MSRA: variants seen among roughly 807,000 people sequenced by gnomAD.
MSRA encodes mitochondrial peptide methionine sulfoxide reductase.
In MSRA, 54 loss-of-function variants were observed where a neutral mutation model predicts 31.3. The observed-to-expected ratio is 1.73, with a 90% CI of 1.39 to 2.17. MSRA has a LOEUF of 2.17. Among genes scored for constraint, MSRA ranks in the 30% most tolerant of loss-of-function variants. The pLI is 0.00. For missense variants in MSRA, 507 were observed against 300.9 expected, an observed-to-expected ratio of 1.69 and a Z score of -5.07; for synonymous variants, 169 against 116.5, an observed-to-expected ratio of 1.45 and a Z score of -2.90.
chr8:10,330,103 CTCTT>C (rs1437956990), intron 5 of MSRA, among the ~76,000 whole-genome samples: 2 of 148,958 alleles, frequency 1.3e-5, no homozygotes, highest in African/African-American at 4.9e-5. Flanking sequence ...GTCACTTACT[CTCTT>C]TGAGCCCTGA....
intron 1 of MSRA, among the ~76,000 whole-genome samples, chr8:10,099,429 A>G (rs1799392096): frequency 6.6e-6 from 1 of 152,266 alleles, no homozygotes; most frequent in Non-Finnish European, 1.5e-5. Flanking sequence ...TGGGTAGAGG[A>G]GAGGATAGGA....
At chr8:10,214,012 G>C (rs1469319255) in intron 2 of MSRA, among the ~76,000 whole-genome samples, 3 of 152,146 alleles carry the variant, frequency 2.0e-5, no homozygotes, top group African/African-American at 4.8e-5. Context: ...GTTGTCGTGA[G>C]TTTTTAGGCT....
intron 5 of MSRA, among the ~76,000 whole-genome samples, chr8:10,341,936 C>A (rs1393411728): frequency 6.6e-6 from 1 of 152,166 alleles, no homozygotes; most frequent in South Asian, 2.1e-4. Context: ...TCCATCAGTG[C>A]ATTTCCTCCT....
At chr8:10,334,169 T>G (rs1204037672) in intron 5 of MSRA, among the ~76,000 whole-genome samples, 1 of 109,740 alleles carries the variant, frequency 9.1e-6, no homozygotes, top group Non-Finnish European at 2.1e-5. Flanking sequence ...TATAGGGGTG[T>G]GTGTGTGTGT....
chr8:10,313,775 A>T (rs1157420341), intron 4 of MSRA, among the ~76,000 whole-genome samples: 1 of 152,240 alleles, frequency 6.6e-6, no homozygotes, highest in African/African-American at 2.4e-5. Flanking sequence ...ATTCTTCCAG[A>T]TATCGAGTCA....
chr8:10,274,811 C>G (rs1041179587), intron 3 of MSRA, among the ~76,000 whole-genome samples: 1 of 150,990 alleles, frequency 6.6e-6, no homozygotes, highest in Non-Finnish European at 1.5e-5. Context: ...ATTCATCCAT[C>G]CATCTACCCA....
intron 3 of MSRA, among the ~76,000 whole-genome samples, chr8:10,252,029 A>T (rs1057077215): frequency 3.9e-5 from 6 of 152,198 alleles, no homozygotes; most frequent in Non-Finnish European, 8.8e-5. Context: ...ACTCGGTAAG[A>T]TTCAAGCTGC....
intron 2 of MSRA, among the ~76,000 whole-genome samples, chr8:10,231,636 C>G (rs112711568): frequency 7.2e-5 from 11 of 152,332 alleles, no homozygotes; most frequent in Middle Eastern, 3.4e-3. Context: ...GGTGCAGTGG[C>G]TCACGCCTGT....
intron 1 of MSRA, among the ~76,000 whole-genome samples, chr8:10,128,240 G>A (rs998309546): frequency 2.6e-5 from 4 of 152,060 alleles, no homozygotes; most frequent in African/African-American, 4.8e-5. Flanking sequence ...TTAGCCAGGC[G>A]TGGTGGTGGA....
chr8:10,296,795 C>G (rs1015481500), intron 3 of MSRA, among the ~76,000 whole-genome samples: 11 of 152,120 alleles, frequency 7.2e-5, no homozygotes, highest in African/African-American at 2.7e-4. Context: ...GCTTTGCCTC[C>G]TCTCCCAGAC....
At chr8:10,099,115 G>A (rs1563436983) in intron 1 of MSRA, among the ~76,000 whole-genome samples, 1 of 128,664 alleles carries the variant, frequency 7.8e-6, no homozygotes, top group Non-Finnish European at 1.7e-5. Context: ...GTGAGTGAGA[G>A]AGAGAGAGAG....
At chr8:10,110,280 T>A (rs533000287) in intron 1 of MSRA, among the ~76,000 whole-genome samples, 1 of 152,380 alleles carries the variant, frequency 6.6e-6, no homozygotes, top group African/African-American at 2.4e-5. Flanking sequence ...AGGTTTTCTT[T>A]GGTGGTTTTA....
Position 10,264,224 on chromosome 8 carries a change from G to A in MSRA, c.331+19001G>A, listed in dbSNP as rs553562901. On this transcript the variant is annotated intron_variant, in intron 3 of 5. Transcript: ENST00000317173. ...TCAAACTCTACCTGTGTGTCATAAA[G>A]TCACTGCTATCATTGTTTTCCCCTC... is the stretch of plus-strand genomic sequence containing the variant. Among the ~76,000 whole-genome samples the A allele has an allele frequency of 7.2e-5, 11 of 152,294 alleles. No individual in the cohort carries two copies. The East Asian group carries it at 1.4e-3, about 19-fold the overall frequency.
chr8:10,202,326 G>A (rs369507271), intron 1 of MSRA, among the ~76,000 whole-genome samples: 3 of 152,196 alleles, frequency 2.0e-5, no homozygotes, highest in East Asian at 1.9e-4. Context: ...TGGTTGTAAA[G>A]AACTTGCTAT....
chr8:10,105,383 C>T (rs1799814474), intron 1 of MSRA, among the ~76,000 whole-genome samples: 2 of 152,170 alleles, frequency 1.3e-5, no homozygotes, highest in Non-Finnish European at 2.9e-5. Flanking sequence ...AGAATTTTAT[C>T]TCCTTAATTA....
At position 10,301,464 on chromosome 8, in the gene MSRA, T is replaced by C; in HGVS notation, c.332-70T>C. On this transcript the variant is annotated intron_variant, in intron 3 of 5. Coordinates refer to ENST00000317173, the MANE Select transcript of MSRA (RefSeq NM_012331.5). ...TTCAGCTTTTGTCTGTTGTTTTTTT[T>C]GTGAACAAAAAACTTGCAATAAATG... The C allele has an allele frequency of 2.4e-6, 3 of 1,226,528 alleles. No homozygotes were observed. The South Asian group carries it at 3.8e-5, about 16-fold the overall frequency. The allele number at this position is 1,226,528 out of a possible 1,614,324, so 76.0% of individuals were successfully genotyped here.
chr8:10,061,727 CAG>C (rs1797196014), intron 1 of MSRA, among the ~76,000 whole-genome samples: 1 of 152,184 alleles, frequency 6.6e-6, no homozygotes, highest in Non-Finnish European at 1.5e-5. Context: ...GAGAAGTTAA[CAG>C]AGCTGCCCCA....
chr8:10,200,427 A>C (rs1201102633), intron 1 of MSRA, among the ~76,000 whole-genome samples: 1 of 152,080 alleles, frequency 6.6e-6, no homozygotes, highest in African/African-American at 2.4e-5. Flanking sequence ...TTTGAGAGTA[A>C]ATCTCACCTT....
chr8:10,269,103 T>C (rs546367093), intron 3 of MSRA, among the ~76,000 whole-genome samples: 214 of 152,358 alleles, frequency 1.4e-3, no homozygotes, highest in African/African-American at 5.1e-3. Context: ...AATAGAGTTC[T>C]AGCCAATGTC....
Sources: allele counts gnomAD v4.1 joint callset (sites outside exome capture counted in the v4.1 genomes callset), GRCh38; gene constraint gnomAD v4.1.1; transcripts MANE v1.5; gene names NCBI Gene and HGNC (gene_info 2026-07-23, HGNC 2026-07-21).